SAMD12: variants seen among roughly 807,000 people sequenced by gnomAD.
SAMD12 encodes sterile alpha motif domain-containing protein 12.
Under a neutral mutation model 15.0 loss-of-function variants are expected in SAMD12, and 9 were observed. That is an observed-to-expected ratio of 0.60 (90% CI 0.36 to 1.05). SAMD12 has a LOEUF of 1.05. Ranked by LOEUF, SAMD12 falls within the 50% of genes least tolerant of loss-of-function variation. The probability of loss-of-function intolerance (pLI) is 0.01; values close to 1 mark genes in which losing one functional copy is unlikely to be tolerated. For synonymous variants in SAMD12, 86 were observed against 90.1 expected (o/e 0.96, Z 0.25); for missense variants, 230 against 234.2 (o/e 0.98, Z 0.12).
intron 3 of SAMD12, chr8:118,394,763 C>T (rs1751009776): frequency 6.6e-6 from 1 of 152,124 alleles, no homozygotes; most frequent in South Asian, 2.1e-4. Context: ...ATGGCTTTAT[C>T]CTCTCAGCTC....
intron 2 of SAMD12, among the ~76,000 whole-genome samples, chr8:118,461,817 C>G (rs10090078): frequency 1.3e-5 from 2 of 152,098 alleles, no homozygotes; most frequent in African/African-American, 2.4e-5. Flanking sequence ...GAATACCCAT[C>G]GGGGAAACAT....
intron 4 of SAMD12, among the ~76,000 whole-genome samples, chr8:118,322,794 C>T (rs78363810): frequency 0.024 from 3,629 of 152,186 alleles, 145 homozygotes; most frequent in African/African-American, 0.075. Flanking sequence ...TAACTGTTCA[C>T]GTTTAGCTGG....
chr8:118,285,256 C>T (rs1813915802), intron 4 of SAMD12, among the ~76,000 whole-genome samples: 1 of 152,116 alleles, frequency 6.6e-6, no homozygotes. Context: ...TTTACCCACA[C>T]TGCACAGTGG....
At chr8:118,613,264 G>T (rs1392677342) in intron 1 of SAMD12, among the ~76,000 whole-genome samples, 1 of 152,068 alleles carries the variant, frequency 6.6e-6, no homozygotes, top group African/African-American at 2.4e-5. Context: ...GAGTGAGAAA[G>T]GAAGAAAAGG....
the SAMD12 span, among the ~76,000 whole-genome samples, chr8:118,145,755 C>G: frequency 6.6e-6 from 1 of 152,218 alleles, no homozygotes; most frequent in Non-Finnish European, 1.5e-5. Flanking sequence ...GAGCCTCAGA[C>G]TACAATGCAG....
chr8:118,615,258 T>A (rs1828212462), intron 1 of SAMD12, among the ~76,000 whole-genome samples: 1 of 152,178 alleles, frequency 6.6e-6, no homozygotes, highest in South Asian at 2.1e-4. Flanking sequence ...ACCCCTTTCG[T>A]TAGGCTATCC....
Position 118,241,432 on chromosome 8 carries a change from T to C in SAMD12, c.434-43700A>G, listed in dbSNP as rs547684838. ...AACACCTCTGCCTCTTTTAAGACCA[T>C]TGAGCTTACTTCTTAGACCAATGTA... On this transcript the variant is annotated intron_variant, in intron 4 of 4. Coordinates refer to the SAMD12 transcript ENST00000409003. Among the ~76,000 whole-genome samples, 371 of 152,298 alleles carry C rather than the reference T, an allele frequency of 2.4e-3. 3 individuals are homozygous for C. Among genetic ancestry groups the C allele is most frequent in the African/African-American group, 8.5e-3 (354 of 41,580 alleles).
chr8:118,373,150 G>A (rs1028076704), downstream of SAMD12, among the ~76,000 whole-genome samples: 2 of 152,074 alleles, frequency 1.3e-5, no homozygotes, highest in Admixed American at 6.6e-5. Flanking sequence ...TTTACTGTAT[G>A]CAATACAGAA....
chr8:118,244,208 A>G (rs1812636779), intron 4 of SAMD12, among the ~76,000 whole-genome samples: 1 of 152,136 alleles, frequency 6.6e-6, no homozygotes, highest in Non-Finnish European at 1.5e-5. Flanking sequence ...TTAACTTTCC[A>G]AAAAACCCTT....
intron 4 of SAMD12, among the ~76,000 whole-genome samples, chr8:118,368,746 T>C (rs975640428): frequency 6.6e-6 from 1 of 152,182 alleles, no homozygotes; most frequent in African/African-American, 2.4e-5. Flanking sequence ...AGGGCAACAA[T>C]TAAATTTATA....
At chr8:118,147,304 C>T in the SAMD12 span, among the ~76,000 whole-genome samples, 5 of 151,314 alleles carry the variant, frequency 3.3e-5, no homozygotes, top group African/African-American at 9.7e-5. Context: ...ATATTACAGA[C>T]GTGAGCCACC....
At chr8:118,491,547 C>T (rs182429283) in intron 2 of SAMD12, among the ~76,000 whole-genome samples, 131 of 152,186 alleles carry the variant, frequency 8.6e-4, no homozygotes, top group African/African-American at 3.0e-3. Context: ...GTAACCAATA[C>T]CCTAATCAAA....
At chr8:118,515,368 C>T (rs899744994) in intron 2 of SAMD12, among the ~76,000 whole-genome samples, 9 of 152,016 alleles carry the variant, frequency 5.9e-5, no homozygotes, top group African/African-American at 2.2e-4. Flanking sequence ...GCGTCTGCTT[C>T]CACTTCACCT....
chr8:118,423,383 C>T (rs897731745), intron 3 of SAMD12, among the ~76,000 whole-genome samples: 1 of 152,138 alleles, frequency 6.6e-6, no homozygotes, highest in East Asian at 1.9e-4. Flanking sequence ...GAGTCCATGG[C>T]TCACAGGACG....
At chr8:118,321,144 AATATATATATATATAT>A (rs4053452) in intron 4 of SAMD12, among the ~76,000 whole-genome samples, 1,870 of 94,502 alleles carry the variant, frequency 0.02, 85 homozygotes, top group African/African-American at 0.068. Flanking sequence ...ATAGATAATA[AATATATATATATATAT>A]ATATATATAT....
At chr8:118,612,290 TACAACAGCAAAATCACAAAACAGA>T (rs1166564518) in intron 1 of SAMD12, among the ~76,000 whole-genome samples, 2 of 152,196 alleles carry the variant, frequency 1.3e-5, no homozygotes, top group Non-Finnish European at 2.9e-5. Context: ...ATTGTTTTTC[TACAACAGCAAAATCACAAAACAGA>T]ACATGATGAC....
intron 2 of SAMD12, among the ~76,000 whole-genome samples, chr8:118,485,129 T>C (rs553740282): frequency 6.6e-6 from 1 of 152,278 alleles, no homozygotes; most frequent in African/African-American, 2.4e-5. Context: ...TTATTATACA[T>C]TGGTTATCCT....
chr8:118,211,258 A>G (rs142424153), intron 4 of SAMD12, among the ~76,000 whole-genome samples: 1 of 152,338 alleles, frequency 6.6e-6, no homozygotes, highest in African/African-American at 2.4e-5. Context: ...CCTAAACTAA[A>G]CAAACGTAAG....
chr8:118,422,832 A>G (rs981574744), intron 3 of SAMD12, among the ~76,000 whole-genome samples: 4 of 152,182 alleles, frequency 2.6e-5, no homozygotes, highest in Non-Finnish European at 4.4e-5. Context: ...ACTGAAATGC[A>G]AAAGTGGAGG....
Sources: gnomAD v4.1 joint callset for allele counts (sites outside exome capture counted in the v4.1 genomes callset) on GRCh38, gnomAD v4.1.1 for gene constraint, MANE v1.5 for transcripts, NCBI Gene and HGNC (gene_info 2026-07-23, HGNC 2026-07-21) for gene names.